Variants in DNAH3 observed in about 807,000 individuals in gnomAD.
The protein encoded by DNAH3 is axonemal beta dynein heavy chain 3.
DNAH3 carries 332 observed loss-of-function variants against 432.5 expected under a neutral mutation model. The observed-to-expected ratio is 0.77, with a 90% CI of 0.70 to 0.84. The LOEUF is 0.84. Among genes scored for constraint, DNAH3 ranks in the 40% least tolerant of loss-of-function variants. DNAH3 has a pLI of 0.00. For synonymous variants in DNAH3, 1,956 were observed against 1,900.2 expected (o/e 1.03, Z -0.76); for missense variants, 4,861 against 5,114.0 (o/e 0.95, Z 1.51).
At chr16:21,032,902 G>A (rs2088960571) in intron 36 of DNAH3, among the ~76,000 whole-genome samples, 1 of 151,870 alleles carries the variant, frequency 6.6e-6, no homozygotes, top group Admixed American at 6.6e-5. Flanking sequence ...TATTAAAATG[G>A]TATATTAAAG....
intron 21 of DNAH3, 109 bp from the exon 22 acceptor site, chr16:21,070,935 A>G (rs1288185281): frequency 8.7e-6 from 6 of 691,442 alleles, no homozygotes; most frequent in Non-Finnish European, 1.5e-5. Context: ...CCCAGGCCTG[A>G]GTGCAATGGC....
chr16:20,939,960 C>G (rs1436883573), intron 59 of DNAH3, among the ~76,000 whole-genome samples: 1 of 152,180 alleles, frequency 6.6e-6, no homozygotes, highest in Non-Finnish European at 1.5e-5. Flanking sequence ...CCACTGGGCT[C>G]CATGCTGTAG....
At chr16:21,131,873 AGGG>A (rs1361274496) in intron 7 of DNAH3, among the ~76,000 whole-genome samples, 4 of 145,524 alleles carry the variant, frequency 2.7e-5, no homozygotes, top group African/African-American at 2.5e-5. Context: ...AAAAAAAAAA[AGGG>A]GGAGAGAAAG....
chr16:21,005,235 TTCCC>T (rs766025301), intron 41 of DNAH3, among the ~76,000 whole-genome samples: 15 of 150,148 alleles, frequency 1.0e-4, no homozygotes, highest in African/African-American at 2.9e-4. Context: ...CCTTCCTTCC[TTCCC>T]TCCCTCCCTT....
At chr16:21,141,430 G>T in intron 3 of DNAH3, 58 bp from the exon 5 acceptor site, 1 of 1,252,328 alleles carries the variant, frequency 8.0e-7, no homozygotes, top group Non-Finnish European at 1.1e-6. Context: ...GCCATTCTCC[G>T]TCCACAGGGG....
rs72780871 is a variant in DNAH3 at position 21,127,750 on chromosome 16, G to A, written c.1145C>T (p.Pro382Leu). ...CTGGATCACATCCCAAAATTCCTGA[G>A]GCTGCAGAGGCAATTTTCCCGCTAG... is the stretch of plus-strand genomic sequence containing the variant. The change falls in exon 8 of 62, where the codon CCT becomes CTT. Residue 382 changes from proline to leucine, a missense_variant. Physicochemically the swap from Pro to Leu is moderately conservative, Grantham distance 98. Coordinates refer to ENST00000261383, the Ensembl canonical transcript of DNAH3. The A allele has an allele frequency of 7.3e-3, 11,778 of 1,614,148 alleles. 125 individuals are homozygous for A. The highest frequency in any genetic ancestry group is 0.04 in the Admixed American group (2,418 of 60,010).
chr16:21,050,156 TA>T (rs2089894369), intron 29 of DNAH3, 138 bp from the exon 30 acceptor site: 1 of 647,408 alleles, frequency 1.5e-6, no homozygotes, highest in Non-Finnish European at 2.6e-6. Context: ...AAAGTAATGC[TA>T]AAAGCCGCGA....
At chr16:21,127,059 C>T (rs1353513389) in intron 8 of DNAH3, among the ~76,000 whole-genome samples, 1 of 152,020 alleles carries the variant, frequency 6.6e-6, no homozygotes, top group Non-Finnish European at 1.5e-5. Context: ...CACCCCGAAA[C>T]CATCCCACTG....
At chr16:21,134,206 C>T (rs992657236) in intron 7 of DNAH3, 53 bp downstream of exon 8, 10 of 1,549,934 alleles carry the variant, frequency 6.5e-6, no homozygotes, top group East Asian at 2.3e-5. Context: ...GGCTTGCTTA[C>T]ACGTGGATGT....
chr16:21,033,927 G>A, intron 36 of DNAH3, 47 bp downstream of exon 36: 1 of 1,376,094 alleles, frequency 7.3e-7, no homozygotes. Context: ...CCAGCCAACT[G>A]AGCGAGGAGT....
chr16:20,962,091 G>A (rs1168744734), intron 53 of DNAH3, among the ~76,000 whole-genome samples: 3 of 151,760 alleles, frequency 2.0e-5, no homozygotes, highest in Non-Finnish European at 4.4e-5. Flanking sequence ...AACCCGAGAG[G>A]TGGAGGTTGC....
chr16:21,023,674 C>T lies in DNAH3; in HGVS notation c.5646+922G>A, dbSNP rs189781785. Reference sequence around the variant, plus strand: ...CAGGAAATGAGATTGCAGAGGCAGGCGGGGCCAGATCACATAGTCTCATGG... The same window carrying T: ...CAGGAAATGAGATTGCAGAGGCAGGTGGGGCCAGATCACATAGTCTCATGG... On this transcript the variant is annotated intron_variant, in intron 39 of 61. Coordinates refer to ENST00000261383, the Ensembl canonical transcript of DNAH3. Among the ~76,000 whole-genome samples, 334 of 152,102 alleles carry T rather than the reference C, an allele frequency of 2.2e-3. 1 individual carries two copies. The highest frequency in any genetic ancestry group is 7.9e-3 in the African/African-American group (329 of 41,500).
chr16:21,109,171 T>C (rs945271871), intron 14 of DNAH3, among the ~76,000 whole-genome samples: 1 of 150,376 alleles, frequency 6.6e-6, no homozygotes, highest in Admixed American at 6.6e-5. Context: ...AAAGAGAAAC[T>C]GAAGATCCAA....
chr16:21,152,611 G>A (rs965848123), intron 1 of DNAH3, among the ~76,000 whole-genome samples: 21 of 152,242 alleles, frequency 1.4e-4, no homozygotes, highest in Admixed American at 1.3e-3. Context: ...AGGCGCGAGC[G>A]GGAACCCGGG....
Position 20,983,679 on chromosome 16 carries a change from G to A in DNAH3, c.7666-765C>T, listed in dbSNP as rs115184995. On this transcript the variant is annotated intron_variant, in intron 48 of 61. Transcript: ENST00000261383. ...GTTATTTAGACTATGTGTGGTGGAA[G>A]GGAGCATGATGTCTAGGTGGAAGTG... is the stretch of plus-strand genomic sequence containing the variant. 4.6e-3 allele frequency among the ~76,000 whole-genome samples: 693 copies of A among 152,082 alleles called. 5 individuals are homozygous for A. Among genetic ancestry groups the A allele is most frequent in the African/African-American group, 0.016 (658 of 41,478 alleles).
intron 41 of DNAH3, among the ~76,000 whole-genome samples, chr16:21,017,324 C>A (rs780678536): frequency 3.3e-5 from 5 of 152,088 alleles, no homozygotes; most frequent in Non-Finnish European, 5.9e-5. Flanking sequence ...AATCATCAAG[C>A]TAAAAGGAAA....
chr16:20,988,320 C>T (rs1567592498), intron 44 of DNAH3, among the ~76,000 whole-genome samples: 1 of 152,168 alleles, frequency 6.6e-6, no homozygotes, highest in Non-Finnish European at 1.5e-5. Flanking sequence ...TAGTGGCTAC[C>T]GTATTGCTCA....
chr16:21,141,295 C>G lies in DNAH3; in HGVS notation c.521+5G>C. On this transcript the variant is annotated splice_donor_5th_base_variant and intron_variant, in intron 4 of 61. Coordinates refer to ENST00000261383, the Ensembl canonical transcript of DNAH3. ...CCTTCTCTGGTGCCCACAGTGATATCTTACCTAGTGGAATCCTCTTTGTTT... is the reference window on the plus strand; with the variant it reads ...CCTTCTCTGGTGCCCACAGTGATATGTTACCTAGTGGAATCCTCTTTGTTT... 6.3e-7 allele frequency: 1 copy of G among 1,580,440 alleles called. No homozygotes were observed. Among genetic ancestry groups the G allele is most frequent in the Non-Finnish European group, 8.6e-7 (1 of 1,159,332 alleles).
At chr16:20,935,676 G>A (rs568133536) in intron 60 of DNAH3, among the ~76,000 whole-genome samples, 191 bp from the exon 61 acceptor site, 4 of 151,956 alleles carry the variant, frequency 2.6e-5, no homozygotes, top group African/African-American at 4.8e-5. Context: ...TTTAAGAAAC[G>A]CCTAGGTACT....
Sources: gnomAD v4.1 joint callset for allele counts (sites outside exome capture counted in the v4.1 genomes callset) on GRCh38, gnomAD v4.1.1 for gene constraint, MANE v1.5 for transcripts, NCBI Gene and HGNC (gene_info 2026-07-23, HGNC 2026-07-21) for gene names.